The following DLG2 variants were observed in gnomAD, a reference collection of about 807,000 sequenced individuals.
DLG2 encodes the protein discs large MAGUK scaffold protein 2.
In DLG2, 45 loss-of-function variants were observed where a neutral mutation model predicts 132.5. The ratio of observed to expected loss-of-function variants is 0.34; its 90% confidence interval spans 0.27 to 0.44. DLG2 has a LOEUF of 0.44. DLG2 is among the 20% of genes least tolerant of loss of function. The pLI is 1.00. For synonymous variants in DLG2, 424 were observed against 419.6 expected, an observed-to-expected ratio of 1.01 and a Z score of -0.13; for missense variants, 1,045 against 1,196.9, an observed-to-expected ratio of 0.87 and a Z score of 1.87.
chr11:84,534,133 T>C (rs183389054), intron 7 of DLG2, among the ~76,000 whole-genome samples: 82 of 152,256 alleles, frequency 5.4e-4, no homozygotes, highest in African/African-American at 1.7e-3. Context: ...ATAGAGGAAT[T>C]GATTAGACAA....
At chr11:84,727,115 T>C (rs138538012) in intron 6 of DLG2, among the ~76,000 whole-genome samples, 30 of 152,346 alleles carry the variant, frequency 2.0e-4, no homozygotes, top group African/African-American at 6.7e-4. Flanking sequence ...ATCCTGTTTG[T>C]CAATTTTGGC....
chr11:84,033,962 T>C (rs974699595), intron 11 of DLG2, among the ~76,000 whole-genome samples: 13 of 152,080 alleles, frequency 8.5e-5, no homozygotes, highest in African/African-American at 3.1e-4. Flanking sequence ...ATGCCTGTAA[T>C]CCCAGCTACT....
rs138813545 is a variant in DLG2 at position 83,687,271 on chromosome 11, A to G, written c.1826-53946T>C. On this transcript the variant is annotated intron_variant, in intron 18 of 27. Transcript: ENST00000376104. ...GCAGCCTTAGGAAATGAGTATAGTC[A>G]GTGAGATATTATCCTCATTTAGTAC... 4.0e-3 allele frequency among the ~76,000 whole-genome samples: 614 copies of G among 152,338 alleles called. 5 individuals are homozygous for G. Among genetic ancestry groups the G allele is most frequent in the Non-Finnish European group, 7.2e-3 (493 of 68,020 alleles).
intron 9 of DLG2, among the ~76,000 whole-genome samples, chr11:84,118,357 G>T (rs547904836): frequency 6.6e-6 from 1 of 152,196 alleles, no homozygotes; most frequent in African/African-American, 2.4e-5. Context: ...TTGCCTCCAT[G>T]GTTTCTCCTT....
chr11:85,140,571 T>G (rs974678699), intron 5 of DLG2, among the ~76,000 whole-genome samples: 2 of 151,878 alleles, frequency 1.3e-5, no homozygotes, highest in African/African-American at 4.8e-5. Context: ...ATTTTTTTTT[T>G]TGTATTAGAC....
intron 11 of DLG2, among the ~76,000 whole-genome samples, chr11:83,997,607 T>C (rs949082187): frequency 3.3e-5 from 5 of 150,870 alleles, no homozygotes; most frequent in African/African-American, 1.2e-4. Context: ...GGTGCATGCC[T>C]GTAGTCCCAG....
intron 4 of DLG2, among the ~76,000 whole-genome samples, chr11:85,250,326 T>A (rs1301762485): frequency 3.3e-5 from 5 of 152,242 alleles, no homozygotes; most frequent in Admixed American, 1.3e-4. Context: ...CTATTTGCTA[T>A]GTCACCCACT....
At chr11:84,844,188 A>G (rs934495373) in intron 6 of DLG2, among the ~76,000 whole-genome samples, 1 of 141,824 alleles carries the variant, frequency 7.1e-6, no homozygotes, top group African/African-American at 2.6e-5. Context: ...TCCCCATTAT[A>G]CAAATGAATA....
intron 22 of DLG2, among the ~76,000 whole-genome samples, chr11:83,479,253 G>C (rs1190932178): frequency 2.0e-5 from 3 of 151,918 alleles, no homozygotes; most frequent in Non-Finnish European, 4.4e-5. Flanking sequence ...TTGTGCTGCT[G>C]CTCCTACTTG....
chr11:85,374,675 C>T (rs1180214117), intron 3 of DLG2, among the ~76,000 whole-genome samples: 1 of 152,114 alleles, frequency 6.6e-6, no homozygotes, highest in Non-Finnish European at 1.5e-5. Context: ...AACTTTACTA[C>T]AGCAATAAAA....
chr11:84,099,223 GT>G (rs1287585585), intron 9 of DLG2, among the ~76,000 whole-genome samples, 176 bp from the exon 10 acceptor site: 2 of 151,988 alleles, frequency 1.3e-5, no homozygotes, highest in Non-Finnish European at 2.9e-5. Context: ...AAACACTGAG[GT>G]TTATTCCTGC....
At chr11:84,084,403 G>C (rs926418781) in intron 10 of DLG2, among the ~76,000 whole-genome samples, 1 of 152,166 alleles carries the variant, frequency 6.6e-6, no homozygotes, top group Non-Finnish European at 1.5e-5. Flanking sequence ...GGATAGTGGT[G>C]GGGGAGAGGG....
At chr11:84,872,606 G>T (rs1379359765) in intron 6 of DLG2, among the ~76,000 whole-genome samples, 1 of 152,118 alleles carries the variant, frequency 6.6e-6, no homozygotes, top group Non-Finnish European at 1.5e-5. Flanking sequence ...ATAACATTTA[G>T]GTTGTATCTT....
In DLG2 at chr11:84,597,149, G is replaced by A. The variant is rs901846524; in HGVS notation, c.358-62418C>T. ...GCAGGAGAATTGCTTGAACCTAGGA[G>A]GCAGAGGTTGCAGTAAGCCGAGATT... On this transcript the variant is annotated intron_variant, in intron 6 of 27. Transcript: ENST00000376104. Among the ~76,000 whole-genome samples, 3 of 152,074 alleles carry A rather than the reference G, an allele frequency of 2.0e-5. No homozygotes were observed. The East Asian group carries it at 5.8e-4, about 29-fold the overall frequency.
chr11:85,163,717 G>A (rs1163887125), intron 4 of DLG2, among the ~76,000 whole-genome samples: 1 of 152,144 alleles, frequency 6.6e-6, no homozygotes, highest in Non-Finnish European at 1.5e-5. Context: ...TATCATCATT[G>A]AAAATATGGA....
At chr11:84,228,101 G>T (rs2154333798) in intron 8 of DLG2, among the ~76,000 whole-genome samples, 1 of 152,116 alleles carries the variant, frequency 6.6e-6, no homozygotes, top group Admixed American at 6.6e-5. Context: ...GACTCATCTG[G>T]TTGCATCACT....
At chr11:84,585,659 C>T (rs111665368) in intron 6 of DLG2, among the ~76,000 whole-genome samples, 2,487 of 152,228 alleles carry the variant, frequency 0.016, 19 homozygotes, top group Middle Eastern at 0.034. Flanking sequence ...GTATTTAAGT[C>T]TTCTTTGGTA....
At chr11:85,180,629 A>C (rs1043116066) in intron 4 of DLG2, among the ~76,000 whole-genome samples, 2 of 152,044 alleles carry the variant, frequency 1.3e-5, no homozygotes, top group Non-Finnish European at 2.9e-5. Context: ...AGAAACCTGA[A>C]AATAAAAGCT....
chr11:85,298,109 A>G, intron 3 of DLG2, among the ~76,000 whole-genome samples: 1 of 152,136 alleles, frequency 6.6e-6, no homozygotes. Flanking sequence ...GGGTGGCAGT[A>G]GCAATGGGAG....
Sources: allele counts gnomAD v4.1 joint callset (sites outside exome capture counted in the v4.1 genomes callset), GRCh38; gene constraint gnomAD v4.1.1; transcripts MANE v1.5; gene names NCBI Gene and HGNC (gene_info 2026-07-23, HGNC 2026-07-21).